The following TNS1 variants were observed in gnomAD, a reference collection of about 807,000 sequenced individuals.
TNS1 encodes the protein tensin-1.
TNS1 carries 62 observed loss-of-function variants against 168.6 expected under a neutral mutation model. That is an observed-to-expected ratio of 0.37 (90% CI 0.30 to 0.45). The LOEUF (loss-of-function observed/expected upper bound fraction) is 0.45, where lower values mean the gene tolerates loss of function less well. Among genes scored for constraint, TNS1 ranks in the 20% least tolerant of loss-of-function variants. The probability of loss-of-function intolerance (pLI) is 1.00; values close to 1 mark genes in which losing one functional copy is unlikely to be tolerated. For missense variants in TNS1, 2,240 were observed against 2,339.4 expected (o/e 0.96, Z 0.88); for synonymous variants, 934 against 933.2 (o/e 1.00, Z -0.02).
chr2:217,971,879 A>G (rs1177066856), intron 3 of TNS1, among the ~76,000 whole-genome samples: 1 of 152,216 alleles, frequency 6.6e-6, no homozygotes, highest in East Asian at 1.9e-4. Flanking sequence ...CAAGCGAAAG[A>G]CATATCATAT....
At chr2:217,833,038 A>G (rs1413050912) in intron 21 of TNS1, among the ~76,000 whole-genome samples, 1 of 152,162 alleles carries the variant, frequency 6.6e-6, no homozygotes, top group Non-Finnish European at 1.5e-5. Flanking sequence ...CTTATCAAAC[A>G]CTTATTAATG....
chr2:217,884,125 T>TGGTGGGTG (rs976360600), intron 16 of TNS1, among the ~76,000 whole-genome samples: 1 of 10,024 alleles, frequency 1.0e-4, no homozygotes, highest in Non-Finnish European at 1.6e-4. Context: ...AAGTGATGCT[T>TGGTGGGTG]GGTGGGTGGG....
intron 18 of TNS1, chr2:217,849,982 C>T (rs1443294732): frequency 1.0e-6 from 1 of 985,306 alleles, no homozygotes; most frequent in Admixed American, 6.1e-5. Flanking sequence ...TTCAGAGATA[C>T]AATGTCATTC....
rs1937960484 is a variant in TNS1, at chr2:217,804,256, T to TCTC, written c.*202_*203insGAG. The TCTC allele has an allele frequency of 9.1e-5, 38 of 416,834 alleles. No homozygotes were observed. The highest frequency in any genetic ancestry group is 1.4e-4 in the Non-Finnish European group (32 of 230,178). 25.8% of individuals were successfully genotyped at this position (416,834 alleles called of 1,614,324 possible). A position where few individuals can be genotyped will look rare whatever the true frequency, so the allele number is the denominator to read the frequency against. On this transcript the variant is annotated 3_prime_UTR_variant, in exon 33 of 33. Coordinates refer to ENST00000682258, the MANE Select transcript of TNS1 (RefSeq NM_001387777.1). ...GAATCCAAGTTCTTCTCCTCCATCT[T>TCTC]TCTCTCTCTCTCTCTCTCTCTCTCT...
intron 19 of TNS1, among the ~76,000 whole-genome samples, chr2:217,843,775 C>T (rs987964782): frequency 3.3e-5 from 5 of 152,124 alleles, no homozygotes; most frequent in Non-Finnish European, 5.9e-5. Context: ...ACTCTCAGCC[C>T]CTTTACAGCC....
At chr2:217,850,577 C>T (rs1947324353) in intron 18 of TNS1, 6 of 954,496 alleles carry the variant, frequency 6.3e-6, no homozygotes, top group African/African-American at 4.2e-5. Context: ...CCACCAGCCC[C>T]GACAGACACA....
chr2:217,933,613 G>T (rs1266234963), intron 3 of TNS1, among the ~76,000 whole-genome samples: 1 of 152,194 alleles, frequency 6.6e-6, no homozygotes, highest in Non-Finnish European at 1.5e-5. Context: ...GGGGGAGCAT[G>T]AGCCAGCAGA....
At chr2:217,838,868 C>T (rs1337840336) in intron 19 of TNS1, among the ~76,000 whole-genome samples, 1 of 152,176 alleles carries the variant, frequency 6.6e-6, no homozygotes, top group Admixed American at 6.5e-5. Context: ...AGAGAACACC[C>T]TCTCTCACGT....
intron 3 of TNS1, among the ~76,000 whole-genome samples, chr2:217,951,243 T>C (rs1957232844): frequency 6.6e-6 from 1 of 152,208 alleles, no homozygotes; most frequent in Admixed American, 6.5e-5. Flanking sequence ...AGATCTGGCC[T>C]AGAGCAGCTC....
intron 19 of TNS1, among the ~76,000 whole-genome samples, chr2:217,845,724 G>A (rs1208618085): frequency 2.0e-5 from 3 of 152,204 alleles, no homozygotes; most frequent in Non-Finnish European, 2.9e-5. Context: ...TCGAAAGCTG[G>A]TAGGAGAGAA....
chr2:217,871,724 C>T (rs1574896180), intron 18 of TNS1, among the ~76,000 whole-genome samples: 1 of 152,260 alleles, frequency 6.6e-6, no homozygotes, highest in East Asian at 1.9e-4. Context: ...CTGGAGGACA[C>T]CTTCTCACCA....
At chr2:217,978,116 A>G (rs1957939549) in intron 3 of TNS1, among the ~76,000 whole-genome samples, 1 of 152,160 alleles carries the variant, frequency 6.6e-6, no homozygotes, top group South Asian at 2.1e-4. Context: ...AGCCTGGCCA[A>G]CCAGGGCCCA....
Position 217,847,627 on chromosome 2 carries a change from G to T in TNS1, c.2890C>A (p.Leu964Ile). 10 of 1,580,164 alleles carry T rather than the reference G, an allele frequency of 6.3e-6. No individual in the cohort carries two copies. The highest frequency in any genetic ancestry group is 8.7e-6 in the Non-Finnish European group (10 of 1,155,156). Reference sequence around the variant, plus strand: ...AGAGGCTGAGCAGTGAGGCCAGGGAGAGAGGCTGGGGGTTGCTGAGGCCCT... The same window carrying T: ...AGAGGCTGAGCAGTGAGGCCAGGGATAGAGGCTGGGGGTTGCTGAGGCCCT... Reference protein sequence around the residue: ...PPGPQQPPASLPGLTAQPLLS... With the variant: ...PPGPQQPPASIPGLTAQPLLS... Residue 964 changes from leucine to isoleucine, a missense_variant, in exon 19 of 33, where the codon CTC (leucine) becomes ATC (isoleucine). By Grantham distance (5) the Leu-to-Ile change is conservative. Transcript: ENST00000682258.
intron 12 of TNS1, among the ~76,000 whole-genome samples, chr2:217,888,121 T>C (rs1428480699): frequency 6.6e-6 from 1 of 152,212 alleles, no homozygotes; most frequent in East Asian, 1.9e-4. Context: ...CACCCGATCC[T>C]ATTCAGGCCC....
intron 1 of TNS1, 102 bp downstream of exon 1, chr2:218,002,738 C>T (rs957174639): frequency 2.2e-6 from 1 of 454,656 alleles, no homozygotes; most frequent in Non-Finnish European, 4.4e-6. Context: ...GACTGACACC[C>T]CCCGACCCCG....
At chr2:217,805,488 A>G (rs1938454085) in intron 32 of TNS1, among the ~76,000 whole-genome samples, 4 of 27,042 alleles carry the variant, frequency 1.5e-4, no homozygotes, top group Admixed American at 4.7e-4. Context: ...CACACACCAC[A>G]CACACACCAC....
At chr2:218,015,512 C>G (rs538614407) in intron 1 of TNS1, among the ~76,000 whole-genome samples, 1 of 152,276 alleles carries the variant, frequency 6.6e-6, no homozygotes, top group African/African-American at 2.4e-5. Context: ...CTCCATCCCC[C>G]CTTTCAAATT....
chr2:217,908,383 G>A (rs974163638), intron 4 of TNS1, among the ~76,000 whole-genome samples: 2 of 152,132 alleles, frequency 1.3e-5, no homozygotes, highest in African/African-American at 4.8e-5. Flanking sequence ...GTGGTTATGG[G>A]GCCCTCAAAT....
At chr2:217,893,636 C>T (rs1559315025) in intron 9 of TNS1, 75 bp from the exon 10 acceptor site, 3 of 1,525,586 alleles carry the variant, frequency 2.0e-6, no homozygotes, top group South Asian at 2.5e-5. Context: ...GCCACCTACG[C>T]CACGTGCCAG....
Sources: gnomAD v4.1 joint callset for allele counts (sites outside exome capture counted in the v4.1 genomes callset) on GRCh38, gnomAD v4.1.1 for gene constraint, MANE v1.5 for transcripts, NCBI Gene and HGNC (gene_info 2026-07-23, HGNC 2026-07-21) for gene names.